CCDC122: variants seen among roughly 807,000 people sequenced by gnomAD.
CCDC122 encodes the protein coiled-coil domain-containing protein 122.
CCDC122 carries 38 observed loss-of-function variants against 37.0 expected under a neutral mutation model. The observed-to-expected ratio is 1.03, with a 90% CI of 0.79 to 1.35. The LOEUF (loss-of-function observed/expected upper bound fraction) is 1.35. Among genes scored for constraint, CCDC122 ranks in the 40% most tolerant of loss-of-function variants. CCDC122 has a pLI of 0.00. For synonymous variants in CCDC122, 83 were observed against 95.6 expected (o/e 0.87, Z 0.77); for missense variants, 305 against 310.0 (o/e 0.98, Z 0.12).
chr13:43,839,248 CCT>C (rs1160173049), intron 6 of CCDC122, among the ~76,000 whole-genome samples: 4 of 152,160 alleles, frequency 2.6e-5, no homozygotes, highest in Non-Finnish European at 5.9e-5. Flanking sequence ...TCCCCATTCC[CCT>C]GTCCCCACAC....
intron 5 of CCDC122, 21 bp downstream of exon 5, chr13:43,859,651 T>G: frequency 6.9e-7 from 1 of 1,449,438 alleles, no homozygotes; most frequent in African/African-American, 1.5e-5. Context: ...AAAAATAGTT[T>G]TACTAAGTAA....
At chr13:43,856,844 G>A (rs1256552303) in intron 6 of CCDC122, among the ~76,000 whole-genome samples, 2 of 152,014 alleles carry the variant, frequency 1.3e-5, no homozygotes, top group Non-Finnish European at 2.9e-5. Context: ...CTTGATCTAG[G>A]TAATGCCAAC....
intron 6 of CCDC122, among the ~76,000 whole-genome samples, chr13:43,838,957 T>C (rs937153784): frequency 6.6e-6 from 1 of 152,224 alleles, no homozygotes; most frequent in Non-Finnish European, 1.5e-5. Context: ...GTCATTCTTC[T>C]GGTCTTGTGC....
At chr13:43,867,620 GGTAA>G (rs1954314643) in intron 4 of CCDC122, among the ~76,000 whole-genome samples, 1 of 151,926 alleles carries the variant, frequency 6.6e-6, no homozygotes, top group Non-Finnish European at 1.5e-5. Flanking sequence ...CCCAATAGAT[GGTAA>G]GTAACATAAG....
chr13:43,869,148 T>C (rs982522447), intron 3 of CCDC122, among the ~76,000 whole-genome samples, 183 bp downstream of exon 3: 1 of 152,058 alleles, frequency 6.6e-6, no homozygotes, highest in Non-Finnish European at 1.5e-5. Context: ...TGCATTTTCA[T>C]TGTAGGTCTG....
rs200236881 is a variant in CCDC122 at position 43,839,911 on chromosome 13, C to T, written c.673-2482G>A. ...AGATTCAGAGACTCCAGGGGTGCCT[C>T]GTGGTCAGAAGAAATTTATAGACAA... On this transcript the variant is annotated intron_variant, in intron 6 of 6. Transcript: ENST00000444614. Among the ~76,000 whole-genome samples, 9 of 152,190 alleles carry T rather than the reference C, an allele frequency of 5.9e-5. No individual in the cohort carries two copies. In the East Asian group the frequency reaches 1.7e-3, roughly 29 times the overall value.
chr13:43,841,045 G>T (rs1440953088), intron 6 of CCDC122, among the ~76,000 whole-genome samples: 1 of 152,172 alleles, frequency 6.6e-6, no homozygotes, highest in Non-Finnish European at 1.5e-5. Context: ...TCCAGCACCT[G>T]TTCATCTCAC....
intron 2 of CCDC122, among the ~76,000 whole-genome samples, chr13:43,869,734 A>G (rs1168751402): frequency 6.6e-6 from 1 of 152,124 alleles, no homozygotes; most frequent in African/African-American, 2.4e-5. Context: ...TATATGTAGC[A>G]TGCATAGAAC....
At chr13:43,872,563 G>A (rs1954485036) in intron 2 of CCDC122, among the ~76,000 whole-genome samples, 2 of 151,924 alleles carry the variant, frequency 1.3e-5, no homozygotes, top group Non-Finnish European at 2.9e-5. Context: ...AACTGAGATA[G>A]AAGAAAAAAA....
intron 6 of CCDC122, among the ~76,000 whole-genome samples, chr13:43,851,450 C>G (rs899629701): frequency 6.6e-6 from 1 of 152,160 alleles, no homozygotes; most frequent in African/African-American, 2.4e-5. Flanking sequence ...CCTGCCAGCA[C>G]CCTGCTCCTG....
chr13:43,844,823 CT>C (rs963074345), intron 6 of CCDC122, among the ~76,000 whole-genome samples: 1 of 151,944 alleles, frequency 6.6e-6, no homozygotes, highest in Non-Finnish European at 1.5e-5. Flanking sequence ...TATCTTTTTC[CT>C]TTTTTTAACT....
chr13:43,827,223 C>T (rs984126264), intron 3 of CCDC122, among the ~76,000 whole-genome samples: 4 of 152,040 alleles, frequency 2.6e-5, no homozygotes, highest in African/African-American at 9.7e-5. Flanking sequence ...ATTACATTTT[C>T]CAGAAAAGCA....
intron 4 of CCDC122, among the ~76,000 whole-genome samples, chr13:43,863,210 C>T (rs1034455154): frequency 9.2e-5 from 14 of 152,256 alleles, no homozygotes; most frequent in African/African-American, 2.9e-4. Context: ...TAGGAAACCA[C>T]TGATCTGCCT....
At chr13:43,838,165 T>A (rs1953225460) in intron 6 of CCDC122, among the ~76,000 whole-genome samples, 1 of 152,204 alleles carries the variant, frequency 6.6e-6, no homozygotes, top group African/African-American at 2.4e-5. Flanking sequence ...CATTCTTCTA[T>A]TAAGCTCTGT....
At chr13:43,826,274 T>C (rs17065091) in intron 3 of CCDC122, among the ~76,000 whole-genome samples, 6,966 of 152,258 alleles carry the variant, frequency 0.046, 318 homozygotes, top group African/African-American at 0.11. Context: ...AAAGAATGCA[T>C]ACAATTTCAG....
At chr13:43,875,684 G>A (rs1242951043) in intron 1 of CCDC122, among the ~76,000 whole-genome samples, 3 of 152,134 alleles carry the variant, frequency 2.0e-5, no homozygotes, top group Non-Finnish European at 2.9e-5. Context: ...CAAATGACCA[G>A]TACTGGATTA....
rs1953170429 is a variant in CCDC122 at position 43,836,670 on chromosome 13, G to A, written c.*610C>T. The A allele has an allele frequency of 1.3e-5, 2 of 150,858 alleles. No homozygotes were observed. Among genetic ancestry groups the A allele is most frequent in the African/African-American group, 4.9e-5 (2 of 41,090 alleles). The allele number at this position is 150,858 out of a possible 1,614,324, so 9.3% of individuals were successfully genotyped here. A position where few individuals can be genotyped will look rare whatever the true frequency, so the allele number is the denominator to read the frequency against. On this transcript the variant is annotated 3_prime_UTR_variant, in exon 7 of 7. Coordinates refer to ENST00000444614, the MANE Select transcript of CCDC122 (RefSeq NM_144974.5). ...TCGAGACCATCCTGGCTAACAAGGTGAAACCCCGTCTCTACTAAAAATACA... is the reference window on the plus strand; with the variant it reads ...TCGAGACCATCCTGGCTAACAAGGTAAAACCCCGTCTCTACTAAAAATACA...
At chr13:43,822,307 C>G (rs1037520943), downstream of CCDC122, among the ~76,000 whole-genome samples, 4 of 152,244 alleles carry the variant, frequency 2.6e-5, no homozygotes, top group Non-Finnish European at 5.9e-5. Context: ...CAAATGGAGT[C>G]TGTCTCTGTC....
intron 2 of CCDC122, 60 bp from the exon 3 acceptor site, chr13:43,869,549 G>C: frequency 1.8e-6 from 1 of 547,396 alleles, no homozygotes; most frequent in Non-Finnish European, 3.2e-6. Context: ...TTTATCATTA[G>C]TGCCAAGAAT....
Sources: gnomAD v4.1 joint callset for allele counts (sites outside exome capture counted in the v4.1 genomes callset) on GRCh38, gnomAD v4.1.1 for gene constraint, MANE v1.5 for transcripts, NCBI Gene and HGNC (gene_info 2026-07-23, HGNC 2026-07-21) for gene names.